The following PDCD11 variants were observed in gnomAD, a reference collection of about 807,000 sequenced individuals.
PDCD11 encodes protein RRP5 homolog.
In PDCD11, 97 loss-of-function variants were observed where a neutral mutation model predicts 198.9. The ratio of observed to expected loss-of-function variants is 0.49; its 90% CI spans 0.41 to 0.58. PDCD11 has a LOEUF of 0.58. Ranked by LOEUF, PDCD11 falls within the 20% of genes least tolerant of loss-of-function variation. PDCD11 has a pLI of 0.00. For synonymous variants in PDCD11, 893 were observed against 918.0 expected (o/e 0.97, Z 0.49); for missense variants, 2,102 against 2,312.7 (o/e 0.91, Z 1.87).
Position 103,427,407 on chromosome 10 carries a change from G to GC in PDCD11, c.3368+17dup, listed in dbSNP as rs2031744763. 6.2e-7 allele frequency: 1 copy of GC among 1,603,056 alleles called. No homozygotes were observed. The highest frequency in any genetic ancestry group is 1.3e-5 in the African/African-American group (1 of 74,470). ...TTCGGCCAAGGTGAGGGGGACATTA[G>GC]CAGCACTGTCTTACGGAAAGAGCAC... On this transcript the variant is annotated intron_variant, in intron 21 of 35. Coordinates refer to ENST00000369797, the MANE Select transcript of PDCD11 (RefSeq NM_014976.2).
Position 103,413,201 on chromosome 10 carries a change from C to G in PDCD11, c.1064C>G (p.Pro355Arg), listed in dbSNP as rs754399887. 1 of 1,614,122 alleles carries G rather than the reference C, an allele frequency of 6.2e-7. No homozygotes were observed. Among genetic ancestry groups the G allele is most frequent in the Middle Eastern group, 1.6e-4 (1 of 6,062 alleles). The change falls in exon 9 of 36, where the codon CCA becomes CGA. Residue 355 changes from proline to arginine, a missense_variant. Transcript: ENST00000369797. ...CCCATCTTCCTACAGCCTGGACGCC[C>G]ACTCACCCGACTCTCTTGCCAGAAC... The part of the protein sequence containing the change: ...LRPIFLQPGR[P>R]LTRLSCQNLG...
chr10:103,439,568 A>G (rs1470101041), intron 27 of PDCD11, among the ~76,000 whole-genome samples, 178 bp from the exon 28 acceptor site: 1 of 152,184 alleles, frequency 6.6e-6, no homozygotes, highest in African/African-American at 2.4e-5. Context: ...TATCTTCATT[A>G]TGCTTGATGA....
intron 25 of PDCD11, among the ~76,000 whole-genome samples, chr10:103,437,478 G>GTTATTTAT (rs368502106): frequency 2.0e-5 from 3 of 150,952 alleles, no homozygotes; most frequent in African/African-American, 4.9e-5. Context: ...AGTAGGTAGT[G>GTTATTTAT]TTATTTATTT....
At chr10:103,417,379 C>A (rs1448317892) in intron 13 of PDCD11, among the ~76,000 whole-genome samples, 1 of 152,096 alleles carries the variant, frequency 6.6e-6, no homozygotes, top group East Asian at 1.9e-4. Flanking sequence ...GCCATGTTGG[C>A]CAGGCTGGTC....
chr10:103,415,713 T>C (rs2031069679), intron 12 of PDCD11, among the ~76,000 whole-genome samples: 1 of 152,236 alleles, frequency 6.6e-6, no homozygotes, highest in Non-Finnish European at 1.5e-5. Context: ...TCTAGATTTC[T>C]GGCAGAGGTG....
intron 18 of PDCD11, 111 bp from the exon 19 acceptor site, chr10:103,423,432 T>A: frequency 1.2e-6 from 1 of 808,450 alleles, no homozygotes; most frequent in Non-Finnish European, 2.1e-6. Flanking sequence ...ACCCAGGACA[T>A]GTGTCCTCTT....
chr10:103,427,439 T>G, intron 21 of PDCD11, 48 bp downstream of exon 21: 6 of 1,419,750 alleles, frequency 4.2e-6, no homozygotes, highest in African/African-American at 1.4e-5. Context: ...GCACTGGGCT[T>G]TGGAATTAGG....
rs2031636463 is a variant in PDCD11 at position 103,425,237 on chromosome 10, C to T, written c.3017C>T (p.Thr1006Ile). The T allele has an allele frequency of 6.2e-7, 1 of 1,614,118 alleles. No individual in the cohort carries two copies. The highest frequency in any genetic ancestry group is 8.5e-7 in the Non-Finnish European group (1 of 1,180,042). Residue 1006 changes from threonine (T) to isoleucine (I), a missense_variant, in exon 20 of 36, where the codon ACC becomes ATC. By Grantham distance (89) the Thr-to-Ile change is moderately conservative (BLOSUM62 -1). Transcript: ENST00000369797. Reference protein sequence around the residue: ...GPAAKRTMRPTQKDSETVDED... With the variant: ...GPAAKRTMRPIQKDSETVDED... ...GCTGCCAAGAGGACCATGAGGCCGA[C>T]CCAGAAGGACTCTGAGACAGTTGAT...
intron 8 of PDCD11, 119 bp from the exon 9 acceptor site, chr10:103,412,997 T>C (rs1201431461): frequency 5.4e-6 from 4 of 736,400 alleles, no homozygotes; most frequent in Non-Finnish European, 9.7e-6. Flanking sequence ...ACTTACATAC[T>C]AAGGATGTGA....
At chr10:103,428,044 G>A (rs1479084980) in intron 21 of PDCD11, among the ~76,000 whole-genome samples, 3 of 152,120 alleles carry the variant, frequency 2.0e-5, no homozygotes, top group African/African-American at 7.2e-5. Context: ...AGTGGCTCAC[G>A]CCTGTAATCC....
At chr10:103,402,701 A>G (rs974471081) in intron 3 of PDCD11, among the ~76,000 whole-genome samples, 8 of 151,552 alleles carry the variant, frequency 5.3e-5, no homozygotes, top group African/African-American at 1.7e-4. Flanking sequence ...AGCCTCCCAA[A>G]GTGCTGGGAC....
chr10:103,416,171 C>T (rs1665188548), intron 12 of PDCD11, among the ~76,000 whole-genome samples: 1 of 152,118 alleles, frequency 6.6e-6, no homozygotes, highest in Non-Finnish European at 1.5e-5. Flanking sequence ...GCAAAGCCCA[C>T]TAGGAAGGAG....
chr10:103,443,953 C>A lies in PDCD11; in HGVS notation c.5163C>A (p.Phe1721Leu). ...GELYNRMLKR[F>L]RQEKAVWIKY... ...TCTACAACCGGATGCTGAAGCGTTT[C>A]CGGCAGGAGAAAGCTGTGTGGATCA... is the stretch of plus-strand genomic sequence containing the variant. The change falls in exon 34 of 36, where the codon TTC becomes TTA. Residue 1721 changes from phenylalanine to leucine, a missense_variant. Physicochemically the swap from Phe to Leu is conservative, Grantham distance 22 (BLOSUM62 0). Transcript: ENST00000369797. 6.2e-7 allele frequency: 1 copy of A among 1,614,158 alleles called. No homozygotes were observed. The highest frequency in any genetic ancestry group is 8.5e-7 in the Non-Finnish European group (1 of 1,180,044).
chr10:103,428,925 C>G (rs1046327032), intron 21 of PDCD11, among the ~76,000 whole-genome samples: 6 of 152,178 alleles, frequency 3.9e-5, no homozygotes, highest in African/African-American at 1.4e-4. Context: ...TCCACTTCCT[C>G]CATGGACCTT....
In PDCD11 at chr10:103,440,696, G is replaced by A. The variant is rs184962098; in HGVS notation, c.4441-38G>A. On this transcript the variant is annotated intron_variant, in intron 29 of 35. Coordinates refer to ENST00000369797, the MANE Select transcript of PDCD11 (RefSeq NM_014976.2). ...GGGAGGGTGTCGCCTGGGGCTGCAG[G>A]AGGATGCTCCTAGGCATTCTCCCAC... is the stretch of plus-strand genomic sequence containing the variant. 1.4e-5 allele frequency: 23 copies of A among 1,613,732 alleles called. No homozygotes were observed. In the African/African-American group the frequency reaches 2.8e-4, roughly 20 times the overall value.
At chr10:103,401,190 T>C (rs1293068497) in intron 3 of PDCD11, among the ~76,000 whole-genome samples, 2 of 152,242 alleles carry the variant, frequency 1.3e-5, no homozygotes, top group African/African-American at 4.8e-5. Flanking sequence ...TTCATAGATG[T>C]GAAACCCATT....
chr10:103,406,256 TAGGAA>T (rs2133681989), intron 6 of PDCD11, 148 bp downstream of exon 6: 1 of 890,642 alleles, frequency 1.1e-6, no homozygotes, highest in African/African-American at 1.7e-5. Flanking sequence ...TCCTAGTTAA[TAGGAA>T]AGGAAAGATG....
Position 103,434,289 on chromosome 10 carries a change from C to A in PDCD11, c.3606C>A (p.Ala1202=). The A allele has an allele frequency of 1.2e-6, 2 of 1,614,002 alleles. No individual in the cohort carries two copies. The highest frequency in any genetic ancestry group is 1.1e-5 in the South Asian group (1 of 91,076). Residue 1202 remains alanine (A), a synonymous_variant, in exon 24 of 36, where the codon GCC becomes GCA. Coordinates refer to ENST00000369797, the MANE Select transcript of PDCD11 (RefSeq NM_014976.2). ...HPDKKFRVGQ[A]LRATVVGPDS... ...ATAAGAAGTTCCGGGTTGGCCAGGC[C>A]CTGAGGGCCACCGTTGTTGGCCCAG...
chr10:103,415,694 A>G (rs1267826880), intron 12 of PDCD11, among the ~76,000 whole-genome samples: 1 of 152,246 alleles, frequency 6.6e-6, no homozygotes, highest in Non-Finnish European at 1.5e-5. Context: ...CTGTATGACA[A>G]TAATGTTTTC....
Sources: allele counts gnomAD v4.1 joint callset (sites outside exome capture counted in the v4.1 genomes callset), GRCh38; gene constraint gnomAD v4.1.1; transcripts MANE v1.5; gene names NCBI Gene and HGNC (gene_info 2026-07-23, HGNC 2026-07-21).